CPSF3: variants seen among roughly 807,000 people sequenced by gnomAD.
CPSF3 encodes cleavage and polyadenylation specificity factor subunit 3.
CPSF3 carries 57 observed loss-of-function variants against 84.1 expected under a neutral mutation model. That is an observed-to-expected ratio of 0.68 (90% CI 0.55 to 0.85). CPSF3 has a LOEUF of 0.85. Ranked by LOEUF, CPSF3 falls within the 40% of genes least tolerant of loss-of-function variation. The pLI, the probability that CPSF3 is intolerant of heterozygous loss-of-function variation, is 0.00. For missense variants in CPSF3, 522 were observed against 838.8 expected, an observed-to-expected ratio of 0.62 and a Z score of 4.66; for synonymous variants, 275 against 278.1, an observed-to-expected ratio of 0.99 and a Z score of 0.11.
chr2:9,469,549 G>A (rs1682092750), intron 16 of CPSF3, among the ~76,000 whole-genome samples: 1 of 152,104 alleles, frequency 6.6e-6, no homozygotes, highest in Admixed American at 6.5e-5. Flanking sequence ...CAGGAGCCGT[G>A]GGGAGGGCAG....
chr2:9,454,544 T>C (rs1187896547), intron 12 of CPSF3, among the ~76,000 whole-genome samples: 1 of 143,384 alleles, frequency 7.0e-6, no homozygotes, highest in African/African-American at 2.6e-5. Flanking sequence ...ATACTCTTTT[T>C]TTTTTTTTTT....
intron 15 of CPSF3, among the ~76,000 whole-genome samples, chr2:9,465,876 G>A (rs561233428): frequency 2.0e-4 from 30 of 152,252 alleles, no homozygotes; most frequent in Non-Finnish European, 3.1e-4. Flanking sequence ...TATGGGGTGT[G>A]TGTGTGTGTG....
At position 9,440,585 on chromosome 2, in the gene CPSF3, T is replaced by C. The variant is rs151261715; in HGVS notation, c.855T>C (p.Tyr285=). The change falls in exon 8 of 18, where the codon TAT becomes TAC. Residue 285 remains tyrosine, a synonymous_variant. Coordinates refer to ENST00000238112, the MANE Select transcript of CPSF3 (RefSeq NM_016207.4). ...AGTGTATGGCAGTGTACCAGACATA[T>C]GTAAATGCCATGAATGACAAAATCC... ...AKKCMAVYQT[Y]VNAMNDKIRK... 7 of 1,614,166 alleles carry C rather than the reference T, an allele frequency of 4.3e-6. No homozygotes were observed. Among genetic ancestry groups the C allele is most frequent in the Admixed American group, 3.3e-5 (2 of 60,018 alleles).
chr2:9,430,773 A>C lies in CPSF3; in HGVS notation c.234A>C (p.Gly78=). ...TAAGTTTCCATTTGGATCACTGTGG[A>C]GCTCTGCCCTGGTTTCTACAGAAGA... The part of the protein sequence containing the change: ...LISHFHLDHC[G]ALPWFLQKTS... Residue 78 remains glycine, a synonymous_variant, in exon 4 of 18, where the codon GGA becomes GGC. Transcript: ENST00000238112. The C allele has an allele frequency of 6.2e-7, 1 of 1,613,298 alleles. No homozygotes were observed. Among genetic ancestry groups the C allele is most frequent in the Non-Finnish European group, 8.5e-7 (1 of 1,179,672 alleles).
intron 17 of CPSF3, among the ~76,000 whole-genome samples, chr2:9,472,698 G>A (rs532270667): frequency 6.6e-6 from 1 of 152,134 alleles, no homozygotes; most frequent in African/African-American, 2.4e-5. Context: ...GTGCCGCCCA[G>A]GCTGGAGTGC....
intron 16 of CPSF3, 40 bp downstream of exon 16, chr2:9,467,816 A>G (rs758446524): frequency 2.0e-6 from 3 of 1,527,842 alleles, no homozygotes; most frequent in Non-Finnish European, 9.1e-7. Flanking sequence ...AGACAGTGAC[A>G]GCGGCCGGAA....
At chr2:9,423,894 C>T (rs376166561) in intron 1 of CPSF3, 71 bp downstream of exon 1, 4 of 1,579,306 alleles carry the variant, frequency 2.5e-6, no homozygotes, top group African/African-American at 1.4e-5. Context: ...GGAGACTGGC[C>T]TCCTCCGTCG....
Position 9,448,245 on chromosome 2 carries a change from A to G in CPSF3, c.1290A>G (p.Ala430=), listed in dbSNP as rs1373070353. Residue 430 remains alanine (A), a synonymous_variant, in exon 11 of 18, where the codon GCA becomes GCG. Coordinates refer to ENST00000238112, the MANE Select transcript of CPSF3 (RefSeq NM_016207.4). Reference sequence around the variant, plus strand: ...ATGAAATGGCCAGATTGAAAGCAGCACTGATTCGAGAATATGAAGATAACG... The same window carrying G: ...ATGAAATGGCCAGATTGAAAGCAGCGCTGATTCGAGAATATGAAGATAACG... ...EQNEMARLKA[A]LIREYEDNDE... is the part of the protein sequence containing the mutation. The G allele has an allele frequency of 6.2e-7, 1 of 1,612,262 alleles. No individual in the cohort carries two copies. Among genetic ancestry groups the G allele is most frequent in the Non-Finnish European group, 8.5e-7 (1 of 1,178,422 alleles).
intron 15 of CPSF3, among the ~76,000 whole-genome samples, chr2:9,462,682 T>C (rs573309342): frequency 6.8e-4 from 103 of 152,360 alleles, no homozygotes; most frequent in Admixed American, 5.1e-3. Context: ...CTCTTAATGC[T>C]CCGGTCCAAA....
At chr2:9,466,569 C>A (rs1471675292) in intron 15 of CPSF3, among the ~76,000 whole-genome samples, 3 of 152,148 alleles carry the variant, frequency 2.0e-5, no homozygotes, top group Non-Finnish European at 2.9e-5. Flanking sequence ...ACAGTCCATC[C>A]TGGGCAACAG....
chr2:9,430,718 T>G (rs570005161), intron 3 of CPSF3, 34 bp from the exon 4 acceptor site: 1 of 1,585,164 alleles, frequency 6.3e-7, no homozygotes, highest in Admixed American at 1.9e-5. Context: ...TGGATAATAA[T>G]TTTAAGAATT....
chr2:9,466,346 G>A (rs554913663), intron 15 of CPSF3, among the ~76,000 whole-genome samples: 2,008 of 90,052 alleles, frequency 0.022, 42 homozygotes, highest in African/African-American at 0.09. Context: ...ACACACGCGC[G>A]CGCGCGCACA....
chr2:9,425,811 G>T (rs910941473), intron 1 of CPSF3, among the ~76,000 whole-genome samples: 1 of 152,010 alleles, frequency 6.6e-6, no homozygotes, highest in Admixed American at 6.6e-5. Flanking sequence ...TAATTCAGTC[G>T]TTCTTAACAT....
intron 6 of CPSF3, among the ~76,000 whole-genome samples, chr2:9,435,856 C>T (rs573563988): frequency 1.4e-3 from 218 of 152,046 alleles, no homozygotes; most frequent in Non-Finnish European, 2.0e-3. Context: ...CCTCAGCCTC[C>T]GGAGTAGCTG....
At chr2:9,433,329 G>A (rs1160730906) in intron 5 of CPSF3, among the ~76,000 whole-genome samples, 5 of 152,184 alleles carry the variant, frequency 3.3e-5, no homozygotes, top group Admixed American at 1.3e-4. Flanking sequence ...GTCAGCCAGA[G>A]AACCAATGCT....
At chr2:9,427,868 T>G (rs1403762371) in intron 1 of CPSF3, among the ~76,000 whole-genome samples, 1 of 152,120 alleles carries the variant, frequency 6.6e-6, no homozygotes, top group Non-Finnish European at 1.5e-5. Flanking sequence ...CATTGCAAAT[T>G]ATGGCTGAAA....
At chr2:9,464,253 T>C (rs1364558057) in intron 15 of CPSF3, among the ~76,000 whole-genome samples, 1 of 152,230 alleles carries the variant, frequency 6.6e-6, no homozygotes, top group Non-Finnish European at 1.5e-5. Flanking sequence ...ACAGACCTAC[T>C]AAGGACAGGT....
intron 15 of CPSF3, among the ~76,000 whole-genome samples, chr2:9,466,305 C>A (rs1401673529): frequency 8.9e-6 from 1 of 112,136 alleles, no homozygotes; most frequent in African/African-American, 2.8e-5. Context: ...CGCATGCACA[C>A]GCACACTGAC....
In CPSF3 at chr2:9,473,055, C is replaced by G; in HGVS notation, c.*38C>G. The stretch of plus-strand genomic sequence containing the variant: ...ATATGAACTTTGAAAAAATACTTGA[C>G]TCTACTTTTGTTACCTAAAATAAAA... On this transcript the variant is annotated 3_prime_UTR_variant, in exon 18 of 18. Coordinates refer to ENST00000238112, the MANE Select transcript of CPSF3 (RefSeq NM_016207.4). 6.9e-7 allele frequency: 1 copy of G among 1,444,784 alleles called. No individual in the cohort carries two copies. The highest frequency in any genetic ancestry group is 9.7e-7 in the Non-Finnish European group (1 of 1,033,932). The allele number at this position is 1,444,784 out of a possible 1,614,324, so 89.5% of individuals were successfully genotyped here.
Sources: allele counts gnomAD v4.1 joint callset (sites outside exome capture counted in the v4.1 genomes callset), GRCh38; gene constraint gnomAD v4.1.1; transcripts MANE v1.5; gene names NCBI Gene and HGNC (gene_info 2026-07-23, HGNC 2026-07-21).